NALF1: variants seen among roughly 807,000 people sequenced by gnomAD.
NALF1 encodes the protein NALCN channel auxiliary factor 1.
In NALF1, 3 loss-of-function variants were observed where a neutral mutation model predicts 48.4. That is an observed-to-expected ratio of 0.06 (90% CI 0.03 to 0.16). NALF1 has a LOEUF of 0.16. Ranked by LOEUF, NALF1 falls within the 10% of genes least tolerant of loss-of-function variation. The pLI is 1.00. For synonymous variants in NALF1, 262 were observed against 245.7 expected (o/e 1.07, Z -0.62); for missense variants, 526 against 571.5 (o/e 0.92, Z 0.81).
rs1878637465 is a variant in NALF1 at position 107,165,368 on chromosome 13, C to A, written c.*5129G>T. ...AAGTGTGTCTGAGACCTAGGGATCC[C>A]ACTGTGCCTCGGAGCCAGCTTGTGT... On this transcript the variant is annotated 3_prime_UTR_variant, in exon 3 of 3. Coordinates refer to ENST00000375915, the MANE Select transcript of NALF1 (RefSeq NM_001080396.3). 1 of 152,228 alleles carries A rather than the reference C, an allele frequency of 6.6e-6. No homozygotes were observed. The highest frequency in any genetic ancestry group is 2.1e-4 in the South Asian group (1 of 4,820). 9.4% of individuals were successfully genotyped at this position (152,228 alleles called of 1,614,324 possible). A position where few individuals can be genotyped will look rare whatever the true frequency, so the allele number is the denominator to read the frequency against.
At chr13:107,689,259 C>A (rs144119433) in intron 1 of NALF1, among the ~76,000 whole-genome samples, 2 of 152,328 alleles carry the variant, frequency 1.3e-5, no homozygotes, top group African/African-American at 4.8e-5. Flanking sequence ...CCTCTTCCAA[C>A]GACCTTGTCT....
chr13:107,816,230 T>C (rs1879159386), intron 1 of NALF1, among the ~76,000 whole-genome samples: 1 of 152,178 alleles, frequency 6.6e-6, no homozygotes, highest in Non-Finnish European at 1.5e-5. Flanking sequence ...CCATTCTCCA[T>C]GGAACATTAG....
rs947167706 is a variant in NALF1 at position 107,540,368 on chromosome 13, G to T, written c.915+325314C>A. Among the ~76,000 whole-genome samples, 3 of 151,630 alleles carry T rather than the reference G, an allele frequency of 2.0e-5. 1 individual carries two copies. The highest frequency in any genetic ancestry group is 7.3e-5 in the African/African-American group (3 of 41,026). ...ACTTGAATAAACTGCCTCTGGGTTT[G>T]ATTTCAGCAGTTTTTTAATATACTT... On this transcript the variant is annotated intron_variant, in intron 1 of 2. Coordinates refer to ENST00000375915, the MANE Select transcript of NALF1 (RefSeq NM_001080396.3).
intron 1 of NALF1, among the ~76,000 whole-genome samples, chr13:107,396,751 T>C (rs900108677): frequency 6.6e-6 from 1 of 152,200 alleles, no homozygotes; most frequent in African/African-American, 2.4e-5. Flanking sequence ...AGCACAGTCC[T>C]CTCTCACCCT....
Position 107,258,906 on chromosome 13 carries a change from T to C in NALF1, c.916-48151A>G, listed in dbSNP as rs147601244. On this transcript the variant is annotated intron_variant, in intron 1 of 2. Transcript: ENST00000375915. ...AAGCTGCCTTTCAATACTTGAAGTA[T>C]GCTCATGATGAAACAGGATGTGTGG... Among the ~76,000 whole-genome samples the C allele has an allele frequency of 6.8e-4, 104 of 152,278 alleles. 1 individual carries two copies. Among genetic ancestry groups the C allele is most frequent in the African/African-American group, 2.4e-3 (98 of 41,570 alleles).
At chr13:107,674,288 T>C (rs1040899369) in intron 1 of NALF1, among the ~76,000 whole-genome samples, 4 of 152,146 alleles carry the variant, frequency 2.6e-5, no homozygotes, top group South Asian at 2.1e-4. Flanking sequence ...ATCTGCATTA[T>C]AGTAAATTCT....
chr13:107,406,887 C>G (rs1042381416), intron 1 of NALF1, among the ~76,000 whole-genome samples: 7 of 151,946 alleles, frequency 4.6e-5, no homozygotes, highest in Admixed American at 2.6e-4. Flanking sequence ...GCTACAGTAA[C>G]CAAAACAGCA....
At chr13:107,741,829 G>C (rs1442886129) in intron 1 of NALF1, among the ~76,000 whole-genome samples, 1 of 152,042 alleles carries the variant, frequency 6.6e-6, no homozygotes, top group Non-Finnish European at 1.5e-5. Flanking sequence ...CCTGAAAATG[G>C]GTTATTCTCT....
At chr13:107,599,722 T>A (rs529890142) in intron 1 of NALF1, among the ~76,000 whole-genome samples, 1 of 152,340 alleles carries the variant, frequency 6.6e-6, no homozygotes, top group East Asian at 1.9e-4. Context: ...CTTCTGTGAA[T>A]TTTAACTAGT....
At chr13:107,367,469 A>G (rs555857727) in intron 1 of NALF1, among the ~76,000 whole-genome samples, 9 of 152,128 alleles carry the variant, frequency 5.9e-5, no homozygotes, top group Non-Finnish European at 1.2e-4. Context: ...GGATGTATGA[A>G]TCAGTCATGC....
At chr13:107,313,701 A>G (rs1882088598) in intron 1 of NALF1, among the ~76,000 whole-genome samples, 1 of 152,174 alleles carries the variant, frequency 6.6e-6, no homozygotes, top group South Asian at 2.1e-4. Context: ...GAGCCTGACT[A>G]AGGCATAAGT....
intron 1 of NALF1, among the ~76,000 whole-genome samples, chr13:107,588,831 G>A (rs889646000): frequency 1.6e-4 from 24 of 151,976 alleles, no homozygotes; most frequent in African/African-American, 4.8e-4. Flanking sequence ...AAAGAAAGCC[G>A]AATCCTTAAG....
chr13:107,213,621 T>G (rs1331774079), intron 1 of NALF1, among the ~76,000 whole-genome samples: 1 of 152,212 alleles, frequency 6.6e-6, no homozygotes, highest in Non-Finnish European at 1.5e-5. Flanking sequence ...AAGCAGATGT[T>G]ACATAACTAA....
At chr13:107,420,931 A>G (rs1404760127) in intron 1 of NALF1, among the ~76,000 whole-genome samples, 1 of 152,092 alleles carries the variant, frequency 6.6e-6, no homozygotes, top group Non-Finnish European at 1.5e-5. Flanking sequence ...TAGGCATGCT[A>G]TCTAATATCA....
At chr13:107,204,251 A>T (rs1399914245) in intron 2 of NALF1, among the ~76,000 whole-genome samples, 3 of 151,542 alleles carry the variant, frequency 2.0e-5, no homozygotes, top group South Asian at 2.1e-4. Context: ...CCCCACACAG[A>T]CAAGCGTAAA....
intron 1 of NALF1, among the ~76,000 whole-genome samples, chr13:107,842,196 A>G (rs964762526): frequency 1.3e-5 from 2 of 151,980 alleles, no homozygotes; most frequent in African/African-American, 4.8e-5. Flanking sequence ...AAATCCATAT[A>G]CTCACAGATA....
intron 1 of NALF1, among the ~76,000 whole-genome samples, chr13:107,343,951 G>A (rs760913109): frequency 1.3e-5 from 2 of 151,288 alleles, no homozygotes; most frequent in East Asian, 2.0e-4. Context: ...TTGACAAACC[G>A]TTATCTAGAC....
chr13:107,797,192 C>T (rs1878451800), intron 1 of NALF1, among the ~76,000 whole-genome samples: 1 of 151,954 alleles, frequency 6.6e-6, no homozygotes, highest in Admixed American at 6.6e-5. Flanking sequence ...TCCTCATCAC[C>T]TCCCATTTTT....
At chr13:107,670,638 C>A (rs1880968780) in intron 1 of NALF1, among the ~76,000 whole-genome samples, 1 of 152,060 alleles carries the variant, frequency 6.6e-6, no homozygotes, top group African/African-American at 2.4e-5. Flanking sequence ...TAATTTCTTA[C>A]CAGCTCTTCT....
Sources: allele counts gnomAD v4.1 joint callset (sites outside exome capture counted in the v4.1 genomes callset), GRCh38; gene constraint gnomAD v4.1.1; transcripts MANE v1.5; gene names NCBI Gene and HGNC (gene_info 2026-07-23, HGNC 2026-07-21).